SYN3: variants seen among roughly 807,000 people sequenced by gnomAD.
SYN3 encodes the protein synapsin-3.
A neutral mutation model predicts 65.8 loss-of-function variants in SYN3; 35 were observed. The observed-to-expected ratio is 0.53, with a 90% CI of 0.41 to 0.70. The LOEUF is 0.70. Among genes scored for constraint, SYN3 ranks in the 30% least tolerant of loss-of-function variants. The probability of loss-of-function intolerance (pLI) is 0.00; values close to 1 mark genes in which losing one functional copy is unlikely to be tolerated. For synonymous variants in SYN3, 270 were observed against 292.9 expected (o/e 0.92, Z 0.80); for missense variants, 680 against 749.0 (o/e 0.91, Z 1.08).
chr22:32,613,193 A>C (rs1312525512), intron 6 of SYN3, among the ~76,000 whole-genome samples: 1 of 151,934 alleles, frequency 6.6e-6, no homozygotes, highest in Non-Finnish European at 1.5e-5. Context: ...TTTTTTAATA[A>C]ATTAAAAAAT....
intron 3 of SYN3, among the ~76,000 whole-genome samples, chr22:32,967,625 A>G (rs987172944): frequency 6.6e-6 from 1 of 152,266 alleles, no homozygotes; most frequent in African/African-American, 2.4e-5. Context: ...ATCCAAGTCA[A>G]TTAAAAGGCA....
intron 7 of SYN3, among the ~76,000 whole-genome samples, chr22:32,592,813 G>A (rs1158375297): frequency 6.6e-6 from 1 of 152,138 alleles, no homozygotes. Flanking sequence ...ATATTTACAC[G>A]ACTATCTCTC....
At chr22:32,698,915 T>TG (rs948543952) in intron 6 of SYN3, among the ~76,000 whole-genome samples, 31 of 152,128 alleles carry the variant, frequency 2.0e-4, no homozygotes, top group South Asian at 6.2e-4. Flanking sequence ...TGTTCCAGGA[T>TG]GGGGGGGTGA....
At position 32,909,378 on chromosome 22, in the gene SYN3, G is replaced by A. The variant is rs546331841; in HGVS notation, c.461+22012C>T. Among the ~76,000 whole-genome samples, 4 of 152,232 alleles carry A rather than the reference G, an allele frequency of 2.6e-5. No homozygotes were observed. In the South Asian group the frequency reaches 8.3e-4, roughly 32 times the overall value. On this transcript the variant is annotated intron_variant, in intron 4 of 13. Coordinates refer to ENST00000358763, the MANE Select transcript of SYN3 (RefSeq NM_003490.4). ...TCTCTGAACCTCAGCTTCCTAATCT[G>A]TGCGCTAGTTTACTTCAGGGACAGG...
intron 7 of SYN3, among the ~76,000 whole-genome samples, chr22:32,546,104 T>G (rs559211400): frequency 2.4e-4 from 36 of 152,210 alleles, no homozygotes; most frequent in African/African-American, 7.9e-4. Context: ...TTTATGTTCT[T>G]TTTCTTTACA....
chr22:32,785,604 T>C (rs2046173377), intron 6 of SYN3, among the ~76,000 whole-genome samples: 1 of 152,212 alleles, frequency 6.6e-6, no homozygotes, highest in Non-Finnish European at 1.5e-5. Flanking sequence ...AAAACATTTA[T>C]TGTGCCTGAC....
intron 2 of SYN3, among the ~76,000 whole-genome samples, chr22:32,991,391 T>C (rs2052714171): frequency 7.8e-6 from 1 of 128,132 alleles, no homozygotes; most frequent in South Asian, 2.6e-4. Context: ...AGAACATTCA[T>C]ATAAAAATTC....
intron 4 of SYN3, among the ~76,000 whole-genome samples, chr22:32,891,219 C>A (rs1455977801): frequency 6.6e-6 from 1 of 152,168 alleles, no homozygotes; most frequent in African/African-American, 2.4e-5. Flanking sequence ...CGTTGGCCAT[C>A]TGGGGGGGTC....
intron 6 of SYN3, among the ~76,000 whole-genome samples, chr22:32,710,088 C>CAT (rs1555931603): frequency 8.0e-4 from 77 of 96,394 alleles, no homozygotes; most frequent in Admixed American, 2.8e-3. Flanking sequence ...CACACACACA[C>CAT]ACACACACAC....
intron 6 of SYN3, among the ~76,000 whole-genome samples, chr22:32,768,730 T>C (rs759686284): frequency 2.6e-5 from 4 of 152,178 alleles, no homozygotes; most frequent in Non-Finnish European, 5.9e-5. Context: ...ACTCATCCCA[T>C]AGTACTTCCT....
intron 7 of SYN3, among the ~76,000 whole-genome samples, chr22:32,553,892 G>T (rs2058452180): frequency 6.6e-6 from 1 of 152,178 alleles, no homozygotes; most frequent in African/African-American, 2.4e-5. Context: ...TGGGCTGTAT[G>T]GGAGAAAGGC....
At chr22:32,969,944 C>A (rs1255599571) in intron 3 of SYN3, among the ~76,000 whole-genome samples, 1 of 152,216 alleles carries the variant, frequency 6.6e-6, no homozygotes, top group Non-Finnish European at 1.5e-5. Context: ...AAAACACACA[C>A]ACAAACATAA....
chr22:32,752,228 A>G (rs1016897977), intron 6 of SYN3, among the ~76,000 whole-genome samples: 1 of 152,228 alleles, frequency 6.6e-6, no homozygotes, highest in Non-Finnish European at 1.5e-5. Context: ...TTAAGCACCA[A>G]CTGTGTGCAA....
At chr22:32,866,355 C>T (rs572205315) in intron 5 of SYN3, among the ~76,000 whole-genome samples, 2 of 152,070 alleles carry the variant, frequency 1.3e-5, no homozygotes, top group Admixed American at 6.6e-5. Context: ...GAGTCAACTT[C>T]GAGGGTTTAA....
At chr22:32,537,089 C>A (rs2058177953) in intron 9 of SYN3, among the ~76,000 whole-genome samples, 1 of 152,126 alleles carries the variant, frequency 6.6e-6, no homozygotes, top group African/African-American at 2.4e-5. Context: ...TAGCAGAGGT[C>A]ACAGGGCATG....
intron 8 of SYN3, among the ~76,000 whole-genome samples, chr22:32,539,473 G>A (rs2058218566): frequency 6.8e-6 from 1 of 147,142 alleles, no homozygotes; most frequent in Non-Finnish European, 1.5e-5. Context: ...GATGTGGATG[G>A]GAACATATAG....
chr22:33,016,805 C>G (rs565415292), intron 1 of SYN3, among the ~76,000 whole-genome samples: 1 of 152,116 alleles, frequency 6.6e-6, no homozygotes, highest in East Asian at 1.9e-4. Flanking sequence ...TGGATATTAG[C>G]CCCTTATCAG....
intron 6 of SYN3, among the ~76,000 whole-genome samples, chr22:32,694,884 T>G (rs2060715169): frequency 6.6e-6 from 1 of 152,244 alleles, no homozygotes; most frequent in Admixed American, 6.5e-5. Context: ...ACTTTATACA[T>G]GAAAGTCAAC....
chr22:33,037,166 A>G (rs1183805374), intron 1 of SYN3, among the ~76,000 whole-genome samples: 1 of 152,232 alleles, frequency 6.6e-6, no homozygotes. Context: ...TAAGACAAAT[A>G]GCAGAAAAAG....
Sources: gnomAD v4.1 joint callset for allele counts (sites outside exome capture counted in the v4.1 genomes callset) on GRCh38, gnomAD v4.1.1 for gene constraint, MANE v1.5 for transcripts, NCBI Gene and HGNC (gene_info 2026-07-23, HGNC 2026-07-21) for gene names.